Variants in TENM3 observed in about 807,000 individuals in gnomAD.
TENM3 encodes teneurin-3.
A neutral mutation model predicts 255.1 loss-of-function variants in TENM3; 63 were observed. That is an observed-to-expected ratio of 0.25 (90% CI 0.20 to 0.30). The LOEUF (loss-of-function observed/expected upper bound fraction) is 0.30, where lower values mean the gene tolerates loss of function less well. TENM3 is among the 10% of genes least tolerant of loss of function. The pLI is 1.00. For missense variants in TENM3, 2,929 were observed against 3,461.1 expected (o/e 0.85, Z 3.86); for synonymous variants, 1,306 against 1,322.3 (o/e 0.99, Z 0.27).
chr4:182,655,398 T>C (rs1030850008), intron 6 of TENM3, among the ~76,000 whole-genome samples: 2 of 152,048 alleles, frequency 1.3e-5, no homozygotes, highest in African/African-American at 2.4e-5. Flanking sequence ...AAAATGAAAA[T>C]AGAGTTTGGC....
intron 3 of TENM3, among the ~76,000 whole-genome samples, chr4:182,390,610 G>A (rs1206248615): frequency 6.6e-6 from 1 of 152,216 alleles, no homozygotes; most frequent in Non-Finnish European, 1.5e-5. Flanking sequence ...TTCCTGAATT[G>A]TCTGTGTGCT....
At chr4:182,689,947 C>G (rs1013424026) in intron 12 of TENM3, among the ~76,000 whole-genome samples, 1 of 152,168 alleles carries the variant, frequency 6.6e-6, no homozygotes, top group African/African-American at 2.4e-5. Flanking sequence ...CCCAGAGAAG[C>G]CTAAAGATGG....
At chr4:182,014,291 C>G in the TENM3 span, among the ~76,000 whole-genome samples, 1 of 151,596 alleles carries the variant, frequency 6.6e-6, no homozygotes, top group African/African-American at 2.4e-5. Flanking sequence ...TTAGCCTTAG[C>G]TCTATTAAAT....
the TENM3 span, among the ~76,000 whole-genome samples, chr4:181,756,869 A>G: frequency 1.3e-5 from 2 of 152,196 alleles, no homozygotes; most frequent in Admixed American, 1.3e-4. Context: ...AGGACAAAGC[A>G]TTCTTTCTTT....
chr4:182,516,586 A>C (rs751263470), intron 3 of TENM3, among the ~76,000 whole-genome samples: 1 of 152,142 alleles, frequency 6.6e-6, no homozygotes, highest in Non-Finnish European at 1.5e-5. Flanking sequence ...TGTAACGTGT[A>C]AGCAGATGAA....
the TENM3 span, among the ~76,000 whole-genome samples, chr4:181,679,786 A>T: frequency 6.6e-6 from 1 of 152,128 alleles, no homozygotes; most frequent in Non-Finnish European, 1.5e-5. Flanking sequence ...AATAATATAA[A>T]TAATACATAA....
the TENM3 span, among the ~76,000 whole-genome samples, chr4:181,579,114 T>G: frequency 6.6e-6 from 1 of 152,172 alleles, no homozygotes; most frequent in East Asian, 1.9e-4. Flanking sequence ...TTGCTCCACA[T>G]GGAAGTCTCA....
intron 3 of TENM3, among the ~76,000 whole-genome samples, chr4:182,419,910 G>A (rs1042416987): frequency 2.0e-5 from 3 of 151,648 alleles, no homozygotes; most frequent in Admixed American, 6.6e-5. Context: ...GGAGATATAC[G>A]TAATGTAAAT....
intron 3 of TENM3, among the ~76,000 whole-genome samples, chr4:182,407,378 A>G (rs937518702): frequency 6.6e-6 from 1 of 152,222 alleles, no homozygotes; most frequent in Non-Finnish European, 1.5e-5. Flanking sequence ...CACAGCAACT[A>G]AATGTATCAA....
chr4:181,455,277 A>G, the TENM3 span, among the ~76,000 whole-genome samples: 3 of 152,178 alleles, frequency 2.0e-5, no homozygotes, highest in African/African-American at 7.2e-5. Flanking sequence ...CATCCATGTT[A>G]AGTGCTGTTT....
At chr4:181,939,272 C>G in the TENM3 span, among the ~76,000 whole-genome samples, 1 of 152,166 alleles carries the variant, frequency 6.6e-6, no homozygotes, top group African/African-American at 2.4e-5. Context: ...AGGTATGTGT[C>G]TCTGTGTAAG....
the TENM3 span, among the ~76,000 whole-genome samples, chr4:181,630,334 C>T: frequency 5.3e-5 from 8 of 152,000 alleles, no homozygotes; most frequent in East Asian, 1.9e-4. Flanking sequence ...GTGTCTCTAT[C>T]TCCTTCAGTT....
At chr4:181,690,930 T>A in the TENM3 span, among the ~76,000 whole-genome samples, 21 of 54,364 alleles carry the variant, frequency 3.9e-4, no homozygotes, top group South Asian at 0.019. Context: ...AACAAGCAAA[T>A]ACCTTTTTAA....
chr4:182,038,877 G>A, the TENM3 span, among the ~76,000 whole-genome samples: 1 of 152,010 alleles, frequency 6.6e-6, no homozygotes, highest in African/African-American at 2.4e-5. Flanking sequence ...GGGATTATAG[G>A]CGCCCGCCAC....
the TENM3 span, among the ~76,000 whole-genome samples, chr4:181,626,723 G>A: frequency 6.6e-6 from 1 of 152,076 alleles, no homozygotes; most frequent in African/African-American, 2.4e-5. Context: ...TCCAACATGG[G>A]GAGTCACATT....
chr4:182,796,475 G>T (rs1766502842), intron 26 of TENM3, among the ~76,000 whole-genome samples, 162 bp from the exon 27 acceptor site: 1 of 152,228 alleles, frequency 6.6e-6, no homozygotes, highest in African/African-American at 2.4e-5. Flanking sequence ...CCGTCTTCAT[G>T]TCTAAAAACA....
chr4:181,460,440 A>G, the TENM3 span, among the ~76,000 whole-genome samples: 1 of 151,820 alleles, frequency 6.6e-6, no homozygotes, highest in Admixed American at 6.6e-5. Flanking sequence ...GTATTTTTGT[A>G]TTATCTGATG....
At chr4:181,755,670 C>T in the TENM3 span, among the ~76,000 whole-genome samples, 2 of 152,064 alleles carry the variant, frequency 1.3e-5, no homozygotes, top group South Asian at 2.1e-4. Flanking sequence ...GATACTATAA[C>T]ATATGTGGCT....
At chr4:182,348,979 G>C (rs559146633) in intron 3 of TENM3, among the ~76,000 whole-genome samples, 13 of 152,288 alleles carry the variant, frequency 8.5e-5, no homozygotes, top group African/African-American at 2.9e-4. Context: ...TTAGAGTGAT[G>C]TAAAGGCAAG....
Sources: allele counts gnomAD v4.1 joint callset (sites outside exome capture counted in the v4.1 genomes callset), GRCh38; gene constraint gnomAD v4.1.1; transcripts MANE v1.5; gene names NCBI Gene and HGNC (gene_info 2026-07-23, HGNC 2026-07-21).